Variants in UBE2E2 observed in about 807,000 individuals in gnomAD.
The protein encoded by UBE2E2 is ubiquitin conjugating enzyme E2 E2.
In UBE2E2, 6 loss-of-function variants were observed where a neutral mutation model predicts 24.7. The ratio of observed to expected loss-of-function variants is 0.24; its 90% CI spans 0.13 to 0.48. The LOEUF (loss-of-function observed/expected upper bound fraction) is 0.48, where lower values mean the gene tolerates loss of function less well. Among genes scored for constraint, UBE2E2 ranks in the 20% least tolerant of loss-of-function variants. The pLI is 0.99. For missense variants in UBE2E2, 169 were observed against 245.0 expected, an observed-to-expected ratio of 0.69 and a Z score of 2.07; for synonymous variants, 104 against 83.6, an observed-to-expected ratio of 1.24 and a Z score of -1.33.
At position 23,266,260 on chromosome 3, in the gene UBE2E2, G is replaced by A. The variant is rs191722219; in HGVS notation, c.227+48948G>A. Among the ~76,000 whole-genome samples, 361 of 152,272 alleles carry A rather than the reference G, an allele frequency of 2.4e-3. 3 individuals are homozygous for A. The highest frequency in any genetic ancestry group is 8.3e-3 in the African/African-American group (343 of 41,538). On this transcript the variant is annotated intron_variant, in intron 3 of 5. Coordinates refer to ENST00000396703, the MANE Select transcript of UBE2E2 (RefSeq NM_152653.4). The stretch of plus-strand genomic sequence containing the variant: ...CTAGCCTCGATGGTCTTTACAATTT[G>A]GCATGATTTTGCAGTGGCTGGTGCC...
chr3:23,218,508 A>T (rs1379589375), intron 3 of UBE2E2, among the ~76,000 whole-genome samples: 1 of 152,076 alleles, frequency 6.6e-6, no homozygotes, highest in African/African-American at 2.4e-5. Context: ...ATTAAACCTA[A>T]CATCCTTTGT....
chr3:23,262,341 C>T (rs564883710), intron 3 of UBE2E2, among the ~76,000 whole-genome samples: 9 of 152,096 alleles, frequency 5.9e-5, no homozygotes, highest in East Asian at 1.9e-4. Flanking sequence ...ACTGAAGTGG[C>T]GCGATCATAG....
Position 23,530,156 on chromosome 3 carries a change from T to C in UBE2E2, c.361-2398T>C, listed in dbSNP as rs187045368. ...AATAATGTCAATTCTTTGAAATATGTAAAGCTTCTTTTGTGGCTTAGCATG... is the reference window on the plus strand; with the variant it reads ...AATAATGTCAATTCTTTGAAATATGCAAAGCTTCTTTTGTGGCTTAGCATG... On this transcript the variant is annotated intron_variant, in intron 4 of 5. Transcript: ENST00000396703. Among the ~76,000 whole-genome samples the C allele has an allele frequency of 6.6e-5, 10 of 152,356 alleles. No individual in the cohort carries two copies. In the East Asian group the frequency reaches 1.9e-3, roughly 29 times the overall value.
intron 1 of UBE2E2, chr3:23,204,871 A>G (rs1200610300): frequency 6.4e-6 from 4 of 621,376 alleles, no homozygotes; most frequent in Non-Finnish European, 8.0e-6. Context: ...CTTTCCTGTT[A>G]TAAAAGCTTA....
At chr3:23,500,747 A>G (rs1197781055) in intron 4 of UBE2E2, among the ~76,000 whole-genome samples, 1 of 151,868 alleles carries the variant, frequency 6.6e-6, no homozygotes, top group East Asian at 1.9e-4. Flanking sequence ...CTTTCCATTG[A>G]TGCTTAGATA....
chr3:23,340,493 A>G (rs1346237473), intron 3 of UBE2E2, among the ~76,000 whole-genome samples: 1 of 152,180 alleles, frequency 6.6e-6, no homozygotes, highest in African/African-American at 2.4e-5. Context: ...GTCACACCTA[A>G]TCCTTTAAAT....
At chr3:23,309,459 T>G (rs998658357) in intron 3 of UBE2E2, among the ~76,000 whole-genome samples, 3 of 152,184 alleles carry the variant, frequency 2.0e-5, no homozygotes, top group African/African-American at 4.8e-5. Flanking sequence ...GGTGAAGAAA[T>G]GTATCAGTTA....
intron 5 of UBE2E2, among the ~76,000 whole-genome samples, chr3:23,588,266 T>C (rs982562372): frequency 6.6e-6 from 1 of 152,116 alleles, no homozygotes; most frequent in Non-Finnish European, 1.5e-5. Flanking sequence ...TATACCCAAA[T>C]TCCCAATACC....
In UBE2E2 at chr3:23,433,886, A is replaced by G. The variant is rs150940927; in HGVS notation, c.228-65722A>G. ...GAATACATGTAGACTAAGAATGGTA[A>G]ATTTTTAAGTTACCTCGTTTGTAAG... is the stretch of plus-strand genomic sequence containing the variant. On this transcript the variant is annotated intron_variant, in intron 3 of 5. Transcript: ENST00000396703. Among the ~76,000 whole-genome samples the G allele has an allele frequency of 1.7e-3, 262 of 152,154 alleles. 1 individual carries two copies. The highest frequency in any genetic ancestry group is 6.1e-3 in the African/African-American group (253 of 41,544).
chr3:23,399,274 A>G (rs1364945529), intron 3 of UBE2E2, among the ~76,000 whole-genome samples: 1 of 152,204 alleles, frequency 6.6e-6, no homozygotes, highest in African/African-American at 2.4e-5. Flanking sequence ...AATTGCCAGC[A>G]TCATTTGCAC....
In UBE2E2 at chr3:23,272,156, C is replaced by T. The variant is rs566579935; in HGVS notation, c.227+54844C>T. Reference sequence around the variant, plus strand: ...CTCGGCCATGGCGGGCTGCAGGTCCCGAGCCCTGCCCCGCGGGGAGGTGGC... The same window carrying T: ...CTCGGCCATGGCGGGCTGCAGGTCCTGAGCCCTGCCCCGCGGGGAGGTGGC... On this transcript the variant is annotated intron_variant, in intron 3 of 5. Coordinates refer to ENST00000396703, the MANE Select transcript of UBE2E2 (RefSeq NM_152653.4). Among the ~76,000 whole-genome samples, 428 of 152,278 alleles carry T rather than the reference C, an allele frequency of 2.8e-3. 1 individual carries two copies. Among genetic ancestry groups the T allele is most frequent in the Non-Finnish European group, 4.7e-3 (320 of 67,994 alleles).
At chr3:23,349,230 G>T (rs560268870) in intron 3 of UBE2E2, among the ~76,000 whole-genome samples, 2 of 152,310 alleles carry the variant, frequency 1.3e-5, no homozygotes, top group African/African-American at 4.8e-5. Flanking sequence ...GACAGTAAAA[G>T]AAGTCATGCT....
At chr3:23,588,150 C>T (rs941917504) in intron 5 of UBE2E2, among the ~76,000 whole-genome samples, 1 of 152,106 alleles carries the variant, frequency 6.6e-6, no homozygotes, top group African/African-American at 2.4e-5. Flanking sequence ...GGTGTTGGGC[C>T]ACAGACGTAG....
chr3:23,235,070 A>G (rs965478168), intron 3 of UBE2E2, among the ~76,000 whole-genome samples: 10 of 152,178 alleles, frequency 6.6e-5, no homozygotes, highest in African/African-American at 2.4e-4. Context: ...TATACTGGGG[A>G]TGCAATTATG....
Position 23,573,411 on chromosome 3 carries a change from A to G in UBE2E2, c.509-16323A>G, listed in dbSNP as rs995227336. Among the ~76,000 whole-genome samples the G allele has an allele frequency of 3.2e-4, 49 of 152,312 alleles. 1 individual carries two copies. Among genetic ancestry groups the G allele is most frequent in the Admixed American group, 2.7e-3 (41 of 15,284 alleles). On this transcript the variant is annotated intron_variant, in intron 5 of 5. Transcript: ENST00000396703. ...TATTTGGCCAGAGACATCATAAGCTAGGTTAAAGGACAAATCATATACTGG... is the reference window on the plus strand; with the variant it reads ...TATTTGGCCAGAGACATCATAAGCTGGGTTAAAGGACAAATCATATACTGG...
At chr3:23,431,890 A>T (rs1006601272) in intron 3 of UBE2E2, among the ~76,000 whole-genome samples, 2 of 152,168 alleles carry the variant, frequency 1.3e-5, no homozygotes, top group African/African-American at 4.8e-5. Context: ...TGGCCCACAT[A>T]CTGTAGTACA....
At chr3:23,376,967 A>T (rs1696538854) in intron 3 of UBE2E2, among the ~76,000 whole-genome samples, 1 of 152,228 alleles carries the variant, frequency 6.6e-6, no homozygotes, top group South Asian at 2.1e-4. Flanking sequence ...ATAGCAGAAC[A>T]TAAATCATTC....
intron 3 of UBE2E2, among the ~76,000 whole-genome samples, chr3:23,253,467 C>G (rs778413447): frequency 6.6e-6 from 1 of 151,428 alleles, no homozygotes; most frequent in African/African-American, 2.5e-5. Context: ...AGACTTAAAA[C>G]AAGAAATTGT....
intron 3 of UBE2E2, among the ~76,000 whole-genome samples, chr3:23,428,496 ACAAG>A (rs1237740460): frequency 2.0e-5 from 3 of 152,214 alleles, no homozygotes; most frequent in Non-Finnish European, 2.9e-5. Context: ...GAAGAAAAAG[ACAAG>A]CAAATCAAAT....
Sources: gnomAD v4.1 joint callset for allele counts (sites outside exome capture counted in the v4.1 genomes callset) on GRCh38, gnomAD v4.1.1 for gene constraint, MANE v1.5 for transcripts, NCBI Gene and HGNC (gene_info 2026-07-23, HGNC 2026-07-21) for gene names.